The following TMEM232 variants were observed in gnomAD, a reference collection of about 807,000 sequenced individuals.
The protein encoded by TMEM232 is transmembrane protein 232.
A neutral mutation model predicts 78.8 loss-of-function variants in TMEM232; 80 were observed. That is an observed-to-expected ratio of 1.01 (90% confidence interval 0.85 to 1.22). The LOEUF (loss-of-function observed/expected upper bound fraction) is 1.22. Among genes scored for constraint, TMEM232 ranks in the 50% most tolerant of loss-of-function variants. The pLI is 0.00. For synonymous variants in TMEM232, 297 were observed against 254.3 expected (o/e 1.17, Z -1.60); for missense variants, 881 against 742.2 (o/e 1.19, Z -2.17).
intron 11 of TMEM232, among the ~76,000 whole-genome samples, chr5:110,565,716 C>T (rs138850736): frequency 1.4e-4 from 22 of 151,976 alleles, no homozygotes; most frequent in African/African-American, 4.8e-4. Flanking sequence ...CCAGTTATGA[C>T]CCAACATATA....
intron 2 of TMEM232, among the ~76,000 whole-genome samples, chr5:110,734,140 T>G (rs1261819185): frequency 6.6e-6 from 1 of 152,222 alleles, no homozygotes; most frequent in Non-Finnish European, 1.5e-5. Flanking sequence ...AAAATAATCT[T>G]AGTGGTTTAA....
intron 1 of TMEM232, among the ~76,000 whole-genome samples, chr5:110,683,320 C>G (rs1792981766): frequency 1.3e-5 from 2 of 151,832 alleles, no homozygotes; most frequent in Admixed American, 1.3e-4. Flanking sequence ...ACTGAAAGTA[C>G]TGATTCACAA....
intron 7 of TMEM232, among the ~76,000 whole-genome samples, chr5:110,620,621 CTCTCTCTCTCT>C (rs1206406528): frequency 1.0e-3 from 122 of 117,190 alleles, no homozygotes; most frequent in African/African-American, 2.1e-3. Context: ...CTCTCTCTCT[CTCTCTCTCTCT>C]CTCTCTCCTC....
chr5:110,610,240 A>AGGAAGGGAGGAAGGGAGGAAGGG (rs1554057532), intron 8 of TMEM232, among the ~76,000 whole-genome samples: 4 of 70,176 alleles, frequency 5.7e-5, no homozygotes, highest in Admixed American at 1.7e-4. Context: ...AAAAGAAAGG[A>AGGAAGGGAGGAAGGGAGGAAGGG]AGGAAGGGAG....
chr5:110,388,409 C>T (rs2112552413), intron 4 of TMEM232, among the ~76,000 whole-genome samples: 2 of 152,270 alleles, frequency 1.3e-5, no homozygotes, highest in Admixed American at 1.3e-4. Context: ...CTGGCATTCG[C>T]CTGTACAAGC....
chr5:110,530,736 G>T (rs1287192576), intron 11 of TMEM232, among the ~76,000 whole-genome samples: 13 of 152,196 alleles, frequency 8.5e-5, no homozygotes, highest in Admixed American at 8.5e-4. Context: ...AAGGGCTGGG[G>T]AGATGTTGGT....
upstream of TMEM232, among the ~76,000 whole-genome samples, chr5:110,730,002 C>G (rs1380148000): frequency 6.6e-6 from 1 of 152,080 alleles, no homozygotes; most frequent in East Asian, 1.9e-4. Flanking sequence ...TCTGAGTGCT[C>G]TTATATAGCA....
chr5:110,483,116 T>C (rs1257274641), intron 12 of TMEM232, among the ~76,000 whole-genome samples: 5 of 152,176 alleles, frequency 3.3e-5, no homozygotes, highest in Admixed American at 3.3e-4. Context: ...ATCTATGTTG[T>C]TGGGCATACA....
intron 1 of TMEM232, among the ~76,000 whole-genome samples, chr5:110,696,237 T>G (rs1794765152): frequency 6.6e-6 from 1 of 152,158 alleles, no homozygotes; most frequent in African/African-American, 2.4e-5. Flanking sequence ...GAAAAGGCCT[T>G]TGACAAAATT....
intron 3 of TMEM232, among the ~76,000 whole-genome samples, chr5:110,396,812 T>G (rs1255945679): frequency 6.6e-6 from 1 of 152,204 alleles, no homozygotes; most frequent in Non-Finnish European, 1.5e-5. Context: ...GTTAACAGAA[T>G]GAATTATTTT....
At chr5:110,729,455 T>A (rs73230111), upstream of TMEM232, among the ~76,000 whole-genome samples, 2,791 of 152,266 alleles carry the variant, frequency 0.018, 104 homozygotes, top group African/African-American at 0.065. Flanking sequence ...ACATTTTGGA[T>A]CTGGAGAATC....
chr5:110,525,449 T>C (rs1435626514), intron 12 of TMEM232, among the ~76,000 whole-genome samples: 4 of 152,020 alleles, frequency 2.6e-5, no homozygotes, highest in Non-Finnish European at 1.5e-5. Flanking sequence ...TAATTTATAT[T>C]AGCAACAAAA....
At chr5:110,698,842 T>A (rs895961077) in intron 1 of TMEM232, among the ~76,000 whole-genome samples, 1 of 152,102 alleles carries the variant, frequency 6.6e-6, no homozygotes, top group African/African-American at 2.4e-5. Flanking sequence ...CAGCTGAATG[T>A]TTCTCTTTTC....
chr5:110,477,127 CA>C (rs1386083565), intron 12 of TMEM232, among the ~76,000 whole-genome samples: 4 of 152,044 alleles, frequency 2.6e-5, no homozygotes, highest in African/African-American at 9.6e-5. Context: ...CTAAATGAAA[CA>C]CATTATTCTA....
At chr5:110,588,542 G>C (rs530177034) in intron 10 of TMEM232, among the ~76,000 whole-genome samples, 1 of 152,240 alleles carries the variant, frequency 6.6e-6, no homozygotes, top group African/African-American at 2.4e-5. Flanking sequence ...CAGCAGGGTG[G>C]AGAGGTGGTG....
At chr5:110,432,315 T>TC (rs1757945485) in intron 12 of TMEM232, among the ~76,000 whole-genome samples, 1 of 151,598 alleles carries the variant, frequency 6.6e-6, no homozygotes, top group African/African-American at 2.4e-5. Flanking sequence ...CCAGAAGATA[T>TC]TGGGGGCCCA....
At chr5:110,731,841 C>T (rs143317759) in intron 2 of TMEM232, among the ~76,000 whole-genome samples, 1,850 of 152,324 alleles carry the variant, frequency 0.012, 47 homozygotes, top group African/African-American at 0.042. Flanking sequence ...TCCTTGCTTC[C>T]TATGCAAATT....
chr5:110,726,094 C>T (rs1027999484), intron 1 of TMEM232, among the ~76,000 whole-genome samples: 1 of 135,760 alleles, frequency 7.4e-6, no homozygotes, highest in Non-Finnish European at 1.5e-5. Context: ...CTCCAATATA[C>T]CCCCCTCTCT....
intron 10 of TMEM232, among the ~76,000 whole-genome samples, chr5:110,581,234 G>C (rs1320484251): frequency 6.6e-6 from 1 of 151,738 alleles, no homozygotes; most frequent in Non-Finnish European, 1.5e-5. Flanking sequence ...AGAGAACAAA[G>C]CCAGAGGCAT....
Sources: allele counts gnomAD v4.1 joint callset (sites outside exome capture counted in the v4.1 genomes callset), GRCh38; gene constraint gnomAD v4.1.1; transcripts MANE v1.5; gene names NCBI Gene and HGNC (gene_info 2026-07-23, HGNC 2026-07-21).